The following TRRAP variants were observed in gnomAD, a reference collection of about 807,000 sequenced individuals.
TRRAP encodes the protein transformation/transcription domain associated protein.
Under a neutral mutation model 438.8 loss-of-function variants are expected in TRRAP, and 41 were observed. That is an observed-to-expected ratio of 0.09 (90% CI 0.07 to 0.12). The LOEUF is 0.12. TRRAP is among the 10% of genes least tolerant of loss of function. The pLI is 1.00. For synonymous variants in TRRAP, 1,994 were observed against 1,962.9 expected, an observed-to-expected ratio of 1.02 and a Z score of -0.42; for missense variants, 3,122 against 5,055.1, an observed-to-expected ratio of 0.62 and a Z score of 11.60.
chr7:98,931,310 A>G lies in TRRAP; in HGVS notation c.3592-95A>G. On this transcript the variant is annotated intron_variant, in intron 25 of 72. Transcript: ENST00000456197. ...AGCTGGCGAGAAGGGCATGGACCCC[A>G]GTGACAGTCTTTATGGCAGACAGGT... The G allele has an allele frequency of 2.0e-6, 3 of 1,533,424 alleles. No individual in the cohort carries two copies. In the South Asian group the frequency reaches 3.7e-5, roughly 19 times the overall value. 95.0% of individuals were successfully genotyped at this position (1,533,424 alleles called of 1,614,324 possible).
intron 58 of TRRAP, among the ~76,000 whole-genome samples, chr7:98,981,450 A>G (rs1411429996): frequency 6.6e-6 from 1 of 152,110 alleles, no homozygotes; most frequent in Admixed American, 6.5e-5. Flanking sequence ...AGACTGTGTG[A>G]TTTTTCATCT....
rs1796176430 is a variant in TRRAP, at chr7:98,895,885, T to G, written c.507+65T>G. The G allele has an allele frequency of 3.0e-6, 4 of 1,340,954 alleles. No individual in the cohort carries two copies. The South Asian group carries it at 5.6e-5, about 19-fold the overall frequency. The allele number at this position is 1,340,954 out of a possible 1,614,324, so 83.1% of individuals were successfully genotyped here. A position where few individuals can be genotyped will look rare whatever the true frequency, so the allele number is the denominator to read the frequency against. On this transcript the variant is annotated intron_variant, in intron 7 of 72. Coordinates refer to ENST00000456197, the MANE Select transcript of TRRAP (RefSeq NM_001375524.1). The stretch of plus-strand genomic sequence containing the variant: ...ATACTTCCTTATTCCAAAAAGACTT[T>G]AGAACAGTTGGGTTGCAGAAATAGT...
chr7:98,881,115 C>A lies in TRRAP; in HGVS notation c.-36C>A. 6.3e-7 allele frequency: 1 copy of A among 1,582,244 alleles called. No homozygotes were observed. The highest frequency in any genetic ancestry group is 1.1e-5 in the South Asian group (1 of 87,780). On this transcript the variant is annotated 5_prime_UTR_variant, in exon 2 of 73. Transcript: ENST00000456197. The stretch of plus-strand genomic sequence containing the variant: ...GCTGGTTGAACTCATGGACCTGATA[C>A]TTTTCTCTTGAGAAGCAAACCAGCC...
chr7:99,012,555 C>T lies in TRRAP; in HGVS notation c.*200C>T, dbSNP rs1017103219. ...GAAGCTGAACTATGACGATGCTGGGCGAAGCGGTTGGAAATGGCAGAGCTG... is the reference window on the plus strand; with the variant it reads ...GAAGCTGAACTATGACGATGCTGGGTGAAGCGGTTGGAAATGGCAGAGCTG... On this transcript the variant is annotated 3_prime_UTR_variant, in exon 73 of 73. Transcript: ENST00000456197. The surrounding 1 kb of genome is among the most constrained non-coding windows in gnomAD (Gnocchi z 5.9). 42 of 658,570 alleles carry T rather than the reference C, an allele frequency of 6.4e-5. 1 individual carries two copies. The Middle Eastern group carries it at 2.5e-3, about 40-fold the overall frequency. The allele number at this position is 658,570 out of a possible 1,614,324, so 40.8% of individuals were successfully genotyped here. A position where few individuals can be genotyped will look rare whatever the true frequency, so the allele number is the denominator to read the frequency against.
At chr7:98,965,138 G>C (rs982519091) in intron 48 of TRRAP, among the ~76,000 whole-genome samples, 17 of 152,248 alleles carry the variant, frequency 1.1e-4, no homozygotes, top group African/African-American at 3.9e-4. Flanking sequence ...GTGCATGCGT[G>C]TGCATGTGCA....
intron 8 of TRRAP, among the ~76,000 whole-genome samples, chr7:98,898,267 G>A (rs1445591102): frequency 6.6e-6 from 1 of 152,132 alleles, no homozygotes; most frequent in Non-Finnish European, 1.5e-5. Flanking sequence ...GCCCCACTGG[G>A]GTTTTCTGAC....
intron 20 of TRRAP, among the ~76,000 whole-genome samples, chr7:98,918,793 C>T (rs1211667172): frequency 2.6e-5 from 4 of 151,980 alleles, no homozygotes; most frequent in African/African-American, 9.7e-5. Flanking sequence ...CTGTGGCTCA[C>T]GCCTGTAATC....
intron 21 of TRRAP, among the ~76,000 whole-genome samples, chr7:98,922,787 G>A (rs540982975): frequency 9.1e-4 from 138 of 151,750 alleles, no homozygotes; most frequent in Non-Finnish European, 1.6e-3. Context: ...AGCCAGCATC[G>A]TGTGGCCTGG....
intron 48 of TRRAP, among the ~76,000 whole-genome samples, chr7:98,965,360 G>A (rs959486343): frequency 2.0e-5 from 3 of 152,338 alleles, no homozygotes; most frequent in South Asian, 4.1e-4. Context: ...CTGTGTGGGG[G>A]TGTGGGGCTG....
intron 63 of TRRAP, among the ~76,000 whole-genome samples, chr7:98,989,384 C>A (rs1793289196): frequency 6.6e-6 from 1 of 152,212 alleles, no homozygotes; most frequent in Non-Finnish European, 1.5e-5. Context: ...GCACCGTGCC[C>A]CCCAGCAGCC....
intron 8 of TRRAP, 117 bp downstream of exon 8, chr7:98,897,983 CT>C: frequency 6.7e-7 from 1 of 1,502,748 alleles, no homozygotes; most frequent in Non-Finnish European, 9.1e-7. Flanking sequence ...ACGTGTGTGC[CT>C]GGCAAAGCAT....
rs139918689 is a variant in TRRAP at position 98,981,819 on chromosome 7, C to T, written c.8685C>T (p.Arg2895=). The change falls in exon 59 of 73, where the codon CGC becomes CGT. Residue 2895 remains arginine (R), a synonymous_variant. Coordinates refer to ENST00000456197, the MANE Select transcript of TRRAP (RefSeq NM_001375524.1). The part of the protein sequence containing the change: ...KEMAWKVNMY[R]GYLAICHPEE... ...TGGCCTGGAAGGTGAACATGTACCG[C>T]GGATACCTGGCCATCTGCCACCCCG... 8.1e-6 allele frequency: 13 copies of T among 1,604,998 alleles called. No individual in the cohort carries two copies. The highest frequency in any genetic ancestry group is 2.7e-5 in the African/African-American group (2 of 74,766).
At chr7:98,936,980 G>A (rs1054552546) in intron 28 of TRRAP, among the ~76,000 whole-genome samples, 176 bp from the exon 29 acceptor site, 1 of 152,280 alleles carries the variant, frequency 6.6e-6, no homozygotes, top group Admixed American at 6.5e-5. Context: ...TGTAATCCTA[G>A]CACTGGGGAG....
Position 98,945,802 on chromosome 7 carries a change from T to C in TRRAP, c.4527+2T>C. ...TTGTCTCCATTCTGTCAGTTTGAGG[T>C]GAGAACAACCTATTAACAGTCAGTT... On this transcript the variant is annotated splice_donor_variant, in intron 32 of 72. Coordinates refer to ENST00000456197, the MANE Select transcript of TRRAP (RefSeq NM_001375524.1). LOFTEE classifies it high-confidence loss of function. The C allele has an allele frequency of 6.3e-7, 1 of 1,598,250 alleles. No homozygotes were observed. Among genetic ancestry groups the C allele is most frequent in the Non-Finnish European group, 8.5e-7 (1 of 1,179,688 alleles).
At chr7:98,966,086 C>G (rs750513675) in intron 49 of TRRAP, among the ~76,000 whole-genome samples, 191 bp downstream of exon 49, 4 of 152,080 alleles carry the variant, frequency 2.6e-5, no homozygotes, top group Non-Finnish European at 4.4e-5. Flanking sequence ...GTGGACAGAT[C>G]ACAAGGTCAG....
chr7:98,948,442 T>A lies in TRRAP; in HGVS notation c.4668+102T>A. ...CAATGGACGGAACAGCATAAAGACG[T>A]TCGATGTCAACATTTGCTTGTGGGT... On this transcript the variant is annotated intron_variant, in intron 34 of 72. Transcript: ENST00000456197. The surrounding 1 kb of genome is among the most constrained non-coding windows in gnomAD (Gnocchi z 4.9). 3 of 1,609,276 alleles carry A rather than the reference T, an allele frequency of 1.9e-6. No individual in the cohort carries two copies. The highest frequency in any genetic ancestry group is 2.5e-6 in the Non-Finnish European group (3 of 1,177,636).
At chr7:98,890,768 A>C (rs1302147670) in intron 4 of TRRAP, among the ~76,000 whole-genome samples, 3 of 140,108 alleles carry the variant, frequency 2.1e-5, no homozygotes, top group African/African-American at 7.8e-5. Flanking sequence ...TTACTGTCTT[A>C]TTAATGTCAG....
chr7:98,989,051 G>T, intron 63 of TRRAP, 85 bp downstream of exon 63: 1 of 1,406,416 alleles, frequency 7.1e-7, no homozygotes, highest in Non-Finnish European at 9.7e-7. Context: ...TTACTCATCC[G>T]TGCCGGGTGT....
At chr7:98,954,895 G>A (rs1424180986) in intron 40 of TRRAP, among the ~76,000 whole-genome samples, 2 of 152,162 alleles carry the variant, frequency 1.3e-5, no homozygotes, top group Non-Finnish European at 2.9e-5. Context: ...GCACGTAGTA[G>A]GTGCATTATA....
Sources: allele counts gnomAD v4.1 joint callset (sites outside exome capture counted in the v4.1 genomes callset), GRCh38; gene constraint gnomAD v4.1.1; non-coding constraint Gnocchi (gnomAD v3.1); transcripts MANE v1.5; gene names NCBI Gene and HGNC (gene_info 2026-07-23, HGNC 2026-07-21).